The following IRAK3 variants were observed in gnomAD, a reference collection of about 807,000 sequenced individuals.
IRAK3 encodes the protein interleukin-1 receptor-associated kinase 3.
In IRAK3, 57 loss-of-function variants were observed where a neutral mutation model predicts 56.6. The observed-to-expected ratio is 1.01, with a 90% CI of 0.81 to 1.26. IRAK3 has a LOEUF of 1.26. IRAK3 is among the 50% of genes most tolerant of loss of function. The pLI is 0.00. For synonymous variants in IRAK3, 258 were observed against 255.7 expected (o/e 1.01, Z -0.09); for missense variants, 703 against 719.0 (o/e 0.98, Z 0.25).
intron 1 of IRAK3, among the ~76,000 whole-genome samples, chr12:66,200,146 C>G (rs2136916505): frequency 6.6e-6 from 1 of 152,312 alleles, no homozygotes; most frequent in Middle Eastern, 3.4e-3. Context: ...AATGCTGCCA[C>G]TCTATTTAAC....
In IRAK3 at chr12:66,203,815, A is replaced by T; in HGVS notation, c.238A>T (p.Asn80Tyr). Reference protein sequence around the residue: ...RELLWSWAQKNKTIGDLLQVL... With the variant: ...RELLWSWAQKYKTIGDLLQVL... ...ATTACTTTGGTCCTGGGCACAGAAA[A>T]ACAAGACCATCGGTGACCTTTTACA... Residue 80 changes from asparagine to tyrosine, a missense_variant, in exon 2 of 12, where the codon AAC (asparagine) becomes TAC (tyrosine). Physicochemically the swap from Asn to Tyr is moderately radical, Grantham distance 143. Coordinates refer to ENST00000261233, the MANE Select transcript of IRAK3 (RefSeq NM_007199.3). 1 of 1,614,082 alleles carries T rather than the reference A, an allele frequency of 6.2e-7. No individual in the cohort carries two copies. Among genetic ancestry groups the T allele is most frequent in the Non-Finnish European group, 8.5e-7 (1 of 1,179,942 alleles).
At chr12:66,235,746 C>T (rs2052901351) in intron 8 of IRAK3, among the ~76,000 whole-genome samples, 1 of 152,144 alleles carries the variant, frequency 6.6e-6, no homozygotes. Flanking sequence ...CTTTGTATAA[C>T]TACAAATTCA....
chr12:66,253,291 C>T lies in IRAK3; in HGVS notation c.*5120C>T, dbSNP rs772224441. The T allele has an allele frequency of 2.0e-5, 3 of 152,106 alleles. No individual in the cohort carries two copies. The highest frequency in any genetic ancestry group is 1.9e-4 in the East Asian group (1 of 5,196). 9.4% of individuals were successfully genotyped at this position (152,106 alleles called of 1,614,324 possible). A position where few individuals can be genotyped will look rare whatever the true frequency, so the allele number is the denominator to read the frequency against. ...TAAATACTAATATCTGAGATATCTT[C>T]GAAAAGAAGATTAGTCGTTGTATGT... On this transcript the variant is annotated 3_prime_UTR_variant, in exon 12 of 12. Transcript: ENST00000261233.
At chr12:66,204,563 A>G (rs975879589) in intron 2 of IRAK3, among the ~76,000 whole-genome samples, 1 of 152,206 alleles carries the variant, frequency 6.6e-6, no homozygotes, top group Non-Finnish European at 1.5e-5. Flanking sequence ...TCAGTGAAAT[A>G]ATCTAACATC....
In IRAK3 at chr12:66,254,229, C is replaced by G. The variant is rs1363837803; in HGVS notation, c.*6058C>G. The G allele has an allele frequency of 1.3e-5, 2 of 151,914 alleles. No individual in the cohort carries two copies. Among genetic ancestry groups the G allele is most frequent in the African/African-American group, 4.8e-5 (2 of 41,340 alleles). The allele number at this position is 151,914 out of a possible 1,614,324, so 9.4% of individuals were successfully genotyped here. On this transcript the variant is annotated 3_prime_UTR_variant, in exon 12 of 12. Coordinates refer to ENST00000261233, the MANE Select transcript of IRAK3 (RefSeq NM_007199.3). Reference sequence around the variant, plus strand: ...GTTGTCCAAGTCTTCAAACATGAGCCCAAAGGTATATTTCATGATGTTTAT... The same window carrying G: ...GTTGTCCAAGTCTTCAAACATGAGCGCAAAGGTATATTTCATGATGTTTAT...
intron 8 of IRAK3, among the ~76,000 whole-genome samples, chr12:66,241,624 C>A (rs1484214705): frequency 6.6e-6 from 1 of 152,188 alleles, no homozygotes; most frequent in African/African-American, 2.4e-5. Context: ...CTACCGCTAA[C>A]CTTTATTTAG....
chr12:66,213,751 A>G (rs913128138), intron 5 of IRAK3, among the ~76,000 whole-genome samples: 93 of 151,366 alleles, frequency 6.1e-4, no homozygotes, highest in Non-Finnish European at 1.1e-3. Context: ...GTAAATCTAA[A>G]TCTGCTCTAA....
At chr12:66,233,997 T>C (rs1370375717) in intron 8 of IRAK3, 2 of 1,514,448 alleles carry the variant, frequency 1.3e-6, no homozygotes, top group Non-Finnish European at 1.8e-6. Flanking sequence ...TAAAGCACAA[T>C]TGATCAGAAA....
intron 6 of IRAK3, among the ~76,000 whole-genome samples, chr12:66,224,617 A>G (rs1231822967): frequency 1.3e-5 from 2 of 152,148 alleles, no homozygotes; most frequent in African/African-American, 4.8e-5. Context: ...AGGGAAGGGG[A>G]AAAAGCTAAT....
intron 1 of IRAK3, among the ~76,000 whole-genome samples, chr12:66,195,230 A>T (rs1287232840): frequency 6.6e-6 from 1 of 152,090 alleles, no homozygotes; most frequent in Non-Finnish European, 1.5e-5. Context: ...TGCCTTCAGG[A>T]TCTGTCTAAT....
At chr12:66,217,036 C>T (rs2052683653) in intron 5 of IRAK3, 135 bp from the exon 6 acceptor site, 4 of 721,124 alleles carry the variant, frequency 5.5e-6, no homozygotes, top group Admixed American at 2.0e-5. Context: ...AGCTAAATGT[C>T]ATCTCCCCAG....
In IRAK3 at chr12:66,252,313, G is replaced by T. The variant is rs1258472819; in HGVS notation, c.*4142G>T. 6.6e-6 allele frequency: 1 copy of T among 152,172 alleles called. No individual in the cohort carries two copies. The highest frequency in any genetic ancestry group is 2.4e-5 in the African/African-American group (1 of 41,446). The allele number at this position is 152,172 out of a possible 1,614,324, so 9.4% of individuals were successfully genotyped here. A position where few individuals can be genotyped will look rare whatever the true frequency, so the allele number is the denominator to read the frequency against. ...GGAGCCAGGATTTGAACTCACATTT[G>T]TCTGACTTCAAAATCCATGCTTTTT... On this transcript the variant is annotated 3_prime_UTR_variant, in exon 12 of 12. Transcript: ENST00000261233.
Position 66,245,107 on chromosome 12 carries a change from CT to C in IRAK3, c.1161del (p.Arg388GlufsTer3). ...CTCCCTCTCTTCCAAGCGGGATCTCCTTAGAGAATTGATGGAGAAGAGAGGC... is the reference window on the plus strand; with the variant it reads ...CTCCCTCTCTTCCAAGCGGGATCTCCTAGAGAATTGATGGAGAAGAGAGGC... ...DPKHIQLRDLLRELMEKRGLD... is the reference protein window; with the variant it reads ...DPKHIQLRDLXRELMEKRGLD... On this transcript the variant is annotated frameshift_variant, in exon 11 of 12. Transcript: ENST00000261233. LOFTEE classifies it high-confidence loss of function. The C allele has an allele frequency of 1.2e-6, 2 of 1,614,114 alleles. No individual in the cohort carries two copies. Among genetic ancestry groups the C allele is most frequent in the Non-Finnish European group, 8.5e-7 (1 of 1,180,020 alleles).
Position 66,189,323 on chromosome 12 carries a change from C to G in IRAK3, c.24C>G (p.Arg8=), listed in dbSNP as rs1259271405. MAGNCGA[R]GALSAHTLLF... is the part of the protein sequence containing the mutation. ...CCATGGCGGGGAACTGTGGGGCCCG[C>G]GGCGCGCTGTCGGCGCACACGCTGC... is the stretch of plus-strand genomic sequence containing the variant. Residue 8 remains arginine (R), a synonymous_variant, in exon 1 of 12, where the codon CGC becomes CGG. Coordinates refer to ENST00000261233, the MANE Select transcript of IRAK3 (RefSeq NM_007199.3). 5 of 1,533,494 alleles carry G rather than the reference C, an allele frequency of 3.3e-6. No individual in the cohort carries two copies. The highest frequency in any genetic ancestry group is 3.9e-5 in the Admixed American group (2 of 51,068). The allele number at this position is 1,533,494 out of a possible 1,614,324, so 95.0% of individuals were successfully genotyped here. A position where few individuals can be genotyped will look rare whatever the true frequency, so the allele number is the denominator to read the frequency against.
At position 66,251,949 on chromosome 12, in the gene IRAK3, A is replaced by AT. The variant is rs1382561495; in HGVS notation, c.*3783dup. The AT allele has an allele frequency of 6.6e-6, 1 of 152,212 alleles. No homozygotes were observed. The highest frequency in any genetic ancestry group is 1.5e-5 in the Non-Finnish European group (1 of 68,052). 9.4% of individuals were successfully genotyped at this position (152,212 alleles called of 1,614,324 possible). A position where few individuals can be genotyped will look rare whatever the true frequency, so the allele number is the denominator to read the frequency against. ...GAGAAGAAGGAATAGATTACTATGC[A>AT]TTTTTGAGAGGATGAAGAAGGCTTC... On this transcript the variant is annotated 3_prime_UTR_variant, in exon 12 of 12. Transcript: ENST00000261233.
chr12:66,199,067 G>A (rs1346846377), intron 1 of IRAK3, among the ~76,000 whole-genome samples: 1 of 152,130 alleles, frequency 6.6e-6, no homozygotes, highest in African/African-American at 2.4e-5. Flanking sequence ...CTCGATTAAT[G>A]TTCTAATAGA....
At chr12:66,194,590 G>A (rs768325554) in intron 1 of IRAK3, among the ~76,000 whole-genome samples, 36 of 152,174 alleles carry the variant, frequency 2.4e-4, no homozygotes, top group Non-Finnish European at 4.1e-4. Context: ...CACTTTGGGA[G>A]GCTGAGGCGG....
chr12:66,228,672 T>G (rs1009388313), intron 8 of IRAK3, among the ~76,000 whole-genome samples: 2 of 101,182 alleles, frequency 2.0e-5, no homozygotes, highest in Non-Finnish European at 5.1e-5. Context: ...TTCAACAAAA[T>G]GATTTTTTTT....
chr12:66,248,441 TC>T lies in IRAK3; in HGVS notation c.*271del, dbSNP rs1184853688. 6 of 330,578 alleles carry T rather than the reference TC, an allele frequency of 1.8e-5. No homozygotes were observed. The highest frequency in any genetic ancestry group is 3.4e-5 in the Non-Finnish European group (6 of 177,944). 20.5% of individuals were successfully genotyped at this position (330,578 alleles called of 1,614,324 possible). A position where few individuals can be genotyped will look rare whatever the true frequency, so the allele number is the denominator to read the frequency against. ...TTCAAAATTCCTTAAGATCATGGGT[TC>T]TGACTTCAGCCAAACAAAACAATCA... On this transcript the variant is annotated 3_prime_UTR_variant, in exon 12 of 12. Coordinates refer to ENST00000261233, the MANE Select transcript of IRAK3 (RefSeq NM_007199.3).
Sources: gnomAD v4.1 joint callset for allele counts (sites outside exome capture counted in the v4.1 genomes callset) on GRCh38, gnomAD v4.1.1 for gene constraint, MANE v1.5 for transcripts, NCBI Gene and HGNC (gene_info 2026-07-23, HGNC 2026-07-21) for gene names.